The following CACNA1C variants were observed in gnomAD, a reference collection of about 807,000 sequenced individuals.
CACNA1C encodes calcium voltage-gated channel subunit alpha1 C, also known as voltage-dependent L-type calcium channel subunit alpha-1C.
CACNA1C carries 30 observed loss-of-function variants against 229.0 expected under a neutral mutation model. The ratio of observed to expected loss-of-function variants is 0.13; its 90% CI spans 0.10 to 0.18. The LOEUF is 0.18. Ranked by LOEUF, CACNA1C falls within the 10% of genes least tolerant of loss-of-function variation. The pLI is 1.00. For missense variants in CACNA1C, 1,658 were observed against 2,845.0 expected, an observed-to-expected ratio of 0.58 and a Z score of 9.49; for synonymous variants, 1,114 against 1,132.5, an observed-to-expected ratio of 0.98 and a Z score of 0.33.
In CACNA1C at chr12:2,358,293, G is replaced by A. The variant is rs916418987; in HGVS notation, c.478-90683G>A. ...TGTGTGTGTGTGTGTGTGTGTGTGTGTGTGTGTGTGTGTGTCTCTTTGTCA... is the reference window on the plus strand; with the variant it reads ...TGTGTGTGTGTGTGTGTGTGTGTGTATGTGTGTGTGTGTGTCTCTTTGTCA... On this transcript the variant is annotated intron_variant, in intron 3 of 46. Coordinates refer to ENST00000399655, the MANE Select transcript of CACNA1C (RefSeq NM_000719.7). Among the ~76,000 whole-genome samples the A allele has an allele frequency of 9.3e-3, 1,208 of 130,254 alleles. 35 individuals are homozygous for A. The highest frequency in any genetic ancestry group is 0.038 in the African/African-American group (1,145 of 29,940). 85.5% of individuals were successfully genotyped at this position (130,254 alleles called of 152,430 possible). A position where few individuals can be genotyped will look rare whatever the true frequency, so the allele number is the denominator to read the frequency against.
chr12:2,461,371 T>G (rs1476119630), intron 5 of CACNA1C, among the ~76,000 whole-genome samples: 1 of 152,202 alleles, frequency 6.6e-6, no homozygotes, highest in Non-Finnish European at 1.5e-5. Context: ...TGGAATCCTT[T>G]GCTGACTTCT....
chr12:2,286,494 A>G (rs2092694463), intron 3 of CACNA1C, among the ~76,000 whole-genome samples: 1 of 152,224 alleles, frequency 6.6e-6, no homozygotes. Context: ...TGTCACAGGT[A>G]ACAGGGCCTG....
At chr12:2,447,744 C>T (rs1053246597) in intron 3 of CACNA1C, among the ~76,000 whole-genome samples, 1 of 152,184 alleles carries the variant, frequency 6.6e-6, no homozygotes, top group African/African-American at 2.4e-5. Flanking sequence ...AGGAGGTGGG[C>T]CTTTGTGGGC....
At chr12:2,343,660 T>C in intron 3 of CACNA1C, among the ~76,000 whole-genome samples, 1 of 152,204 alleles carries the variant, frequency 6.6e-6, no homozygotes. Flanking sequence ...CAGCAGAGTC[T>C]TCAGTAAGAG....
Position 2,567,722 on chromosome 12 carries a change from C to A in CACNA1C, c.1823C>A (p.Thr608Asn), listed in dbSNP as rs757507674. The change falls in exon 13 of 47, where the codon ACC becomes AAC. Residue 608 changes from threonine to asparagine, a missense_variant. This residue lies in a region of CACNA1C where 30 missense variants were observed against 96.6 expected (regional missense o/e 0.31). Coordinates refer to ENST00000399655, the MANE Select transcript of CACNA1C (RefSeq NM_000719.7). ...GGILETILVE[T>N]KIMSPLGISV... ...ATCCTGGAGACCATCCTGGTGGAGA[C>A]CAAGATCATGTCCCCACTGGGCATC... 1.2e-6 allele frequency: 2 copies of A among 1,613,732 alleles called. No individual in the cohort carries two copies. The highest frequency in any genetic ancestry group is 2.7e-5 in the African/African-American group (2 of 75,012).
At chr12:2,097,215 G>T (rs867836610) in intron 1 of CACNA1C, among the ~76,000 whole-genome samples, 3 of 152,052 alleles carry the variant, frequency 2.0e-5, no homozygotes, top group South Asian at 2.1e-4. Flanking sequence ...GCGCGATCTC[G>T]GCTCACTGCA....
rs532227129 is a variant in CACNA1C, at chr12:2,505,857, G to C, written c.1217+912G>C. ...TGCTGCCTTTGCCACTTGGGGGAGG[G>C]GGGTAATCTACTTCTACTCTGCTTG... On this transcript the variant is annotated intron_variant, in intron 8 of 46. Coordinates refer to ENST00000399655, the MANE Select transcript of CACNA1C (RefSeq NM_000719.7). Among the ~76,000 whole-genome samples, 3 of 152,112 alleles carry C rather than the reference G, an allele frequency of 2.0e-5. No homozygotes were observed. The South Asian group carries it at 6.2e-4, about 32-fold the overall frequency.
chr12:2,358,821 C>T (rs1313991415), intron 3 of CACNA1C, among the ~76,000 whole-genome samples: 3 of 152,190 alleles, frequency 2.0e-5, no homozygotes, highest in African/African-American at 7.2e-5. Context: ...TCACTGTCCT[C>T]ACTGGAGGTG....
intron 15 of CACNA1C, among the ~76,000 whole-genome samples, chr12:2,583,920 C>T (rs1471694368): frequency 6.6e-6 from 1 of 152,198 alleles, no homozygotes. Context: ...TCCAGCTATG[C>T]TTTCGTTGAT....
intron 3 of CACNA1C, chr12:2,217,475 T>C (rs967179451): frequency 6.6e-6 from 1 of 152,254 alleles, no homozygotes; most frequent in African/African-American, 2.4e-5. Flanking sequence ...ATAAGAATCA[T>C]CTATTTTAAT....
chr12:2,449,113 G>T lies in CACNA1C; in HGVS notation c.615G>T (p.Val205=), dbSNP rs747320984. Residue 205 remains valine (V), a splice_region_variant and synonymous_variant, in exon 4 of 47, where the codon GTG becomes GTT. Transcript: ENST00000399655. ...WNLLDFIIVV[V]GLFSAILEQA... ...TACTAGATTTTATAATTGTGGTTGT[G>T]GGGTAAGTATCACTGTCTGTTTCTT... 41 of 1,542,366 alleles carry T rather than the reference G, an allele frequency of 2.7e-5. No homozygotes were observed. The highest frequency in any genetic ancestry group is 3.6e-5 in the Non-Finnish European group (41 of 1,143,362).
chr12:2,588,194 G>C (rs2063401868), intron 18 of CACNA1C, among the ~76,000 whole-genome samples: 1 of 152,170 alleles, frequency 6.6e-6, no homozygotes, highest in Admixed American at 6.5e-5. Flanking sequence ...GTTCCTTCCT[G>C]CTTCTTGTTC....
At chr12:2,519,752 C>G (rs564210398) in intron 9 of CACNA1C, among the ~76,000 whole-genome samples, 1 of 152,110 alleles carries the variant, frequency 6.6e-6, no homozygotes, top group Admixed American at 6.5e-5. Context: ...TACCCATGGG[C>G]GAGGTCCTGT....
intron 3 of CACNA1C, among the ~76,000 whole-genome samples, chr12:2,396,871 G>C (rs569974118): frequency 2.0e-5 from 3 of 152,378 alleles, no homozygotes; most frequent in Admixed American, 6.5e-5. Flanking sequence ...CCAGGAATCT[G>C]GTCACTTGGA....
chr12:2,626,556 G>T (rs2086682196), intron 29 of CACNA1C, among the ~76,000 whole-genome samples: 1 of 152,150 alleles, frequency 6.6e-6, no homozygotes, highest in Non-Finnish European at 1.5e-5. Context: ...GCTTAAAGTT[G>T]CCTGTGTGCA....
At chr12:2,590,329 C>T (rs2064663596) in intron 18 of CACNA1C, among the ~76,000 whole-genome samples, 3 of 152,182 alleles carry the variant, frequency 2.0e-5, no homozygotes, top group African/African-American at 7.2e-5. Context: ...CTCCAGCGTG[C>T]AGCAGCACCT....
At chr12:2,334,734 A>G (rs1010505131) in intron 3 of CACNA1C, among the ~76,000 whole-genome samples, 4 of 150,444 alleles carry the variant, frequency 2.7e-5, no homozygotes, top group African/African-American at 7.4e-5. Context: ...TTTTTCAGCT[A>G]TAAAATTAAG....
intron 3 of CACNA1C, among the ~76,000 whole-genome samples, chr12:2,280,151 T>C (rs1186209172): frequency 6.7e-6 from 1 of 149,634 alleles, no homozygotes; most frequent in Non-Finnish European, 1.5e-5. Flanking sequence ...CTTGATACTT[T>C]GCTGTGCTTC....
intron 3 of CACNA1C, among the ~76,000 whole-genome samples, chr12:2,328,112 G>A (rs567738608): frequency 6.6e-6 from 1 of 152,354 alleles, no homozygotes; most frequent in East Asian, 1.9e-4. Flanking sequence ...AAAGCGGCAA[G>A]GCTGCTGGCT....
Sources: allele counts gnomAD v4.1 joint callset (sites outside exome capture counted in the v4.1 genomes callset), GRCh38; gene constraint gnomAD v4.1.1; regional missense constraint gnomAD v4.1.1; transcripts MANE v1.5; gene names NCBI Gene and HGNC (gene_info 2026-07-23, HGNC 2026-07-21).